The following IGF2BP3 variants were observed in gnomAD, a reference collection of about 807,000 sequenced individuals.
IGF2BP3 encodes the protein insulin-like growth factor 2 mRNA-binding protein 3.
IGF2BP3 carries 9 observed loss-of-function variants against 73.8 expected under a neutral mutation model. The observed-to-expected ratio is 0.12, with a 90% CI of 0.07 to 0.21. The LOEUF is 0.21. Ranked by LOEUF, IGF2BP3 falls within the 10% of genes least tolerant of loss-of-function variation. IGF2BP3 has a pLI of 1.00. For synonymous variants in IGF2BP3, 258 were observed against 256.7 expected (o/e 1.01, Z -0.05); for missense variants, 542 against 714.0 (o/e 0.76, Z 2.75).
chr7:23,469,873 TG>T lies in IGF2BP3; in HGVS notation c.175+62del. 8.3e-7 allele frequency: 1 copy of T among 1,209,640 alleles called. No homozygotes were observed. The highest frequency in any genetic ancestry group is 3.1e-5 in the East Asian group (1 of 32,748). 74.9% of individuals were successfully genotyped at this position (1,209,640 alleles called of 1,614,324 possible). A position where few individuals can be genotyped will look rare whatever the true frequency, so the allele number is the denominator to read the frequency against. On this transcript the variant is annotated intron_variant, in intron 1 of 14. Transcript: ENST00000258729. This position sits in a 1 kb window ranked among gnomAD's most constrained non-coding sequence, Gnocchi z 6.1. ...GCCTGGGGCCCGCGGAGCCACCCGG[TG>T]GGCCTGGGCGGGCGGTGCAGGGCTG...
intron 3 of IGF2BP3, among the ~76,000 whole-genome samples, chr7:23,369,191 C>T (rs974239740): frequency 6.6e-6 from 1 of 152,054 alleles, no homozygotes; most frequent in Non-Finnish European, 1.5e-5. Context: ...GTAACCTGAG[C>T]CTGTCCAGAT....
At chr7:23,433,034 T>C (rs924869081) in intron 2 of IGF2BP3, among the ~76,000 whole-genome samples, 24 of 152,226 alleles carry the variant, frequency 1.6e-4, no homozygotes, top group Admixed American at 1.4e-3. Flanking sequence ...ACTGCCTGTA[T>C]GACCTAAAAG....
intron 3 of IGF2BP3, among the ~76,000 whole-genome samples, chr7:23,387,790 A>T (rs536759585): frequency 6.6e-6 from 1 of 152,210 alleles, no homozygotes; most frequent in Non-Finnish European, 1.5e-5. Context: ...ACACACACAC[A>T]TACTCACACA....
intron 10 of IGF2BP3, among the ~76,000 whole-genome samples, chr7:23,320,947 C>CAAAAA (rs70966008): frequency 9.3e-5 from 9 of 96,502 alleles, no homozygotes; most frequent in African/African-American, 4.0e-4. Context: ...AACTCTGTCT[C>CAAAAA]AAAAAAAAAA....
intron 8 of IGF2BP3, 121 bp downstream of exon 8, chr7:23,345,819 G>C: frequency 1.8e-6 from 2 of 1,137,608 alleles, no homozygotes; most frequent in Non-Finnish European, 1.2e-6. Context: ...GAGAAACCAT[G>C]TGTAAGTACG....
At chr7:23,317,759 G>A (rs1784031018) in intron 11 of IGF2BP3, 46 bp from the exon 12 acceptor site, 7 of 1,487,802 alleles carry the variant, frequency 4.7e-6, no homozygotes, top group Non-Finnish European at 6.6e-6. Context: ...AGGTATCACT[G>A]ATAGGCATCT....
intron 10 of IGF2BP3, among the ~76,000 whole-genome samples, chr7:23,337,213 G>T (rs1266875581): frequency 2.0e-5 from 3 of 152,016 alleles, no homozygotes; most frequent in African/African-American, 7.2e-5. Context: ...ACTTGTTAAA[G>T]AATTGTTCCC....
intron 10 of IGF2BP3, among the ~76,000 whole-genome samples, chr7:23,323,183 T>C (rs1784205620): frequency 6.6e-6 from 1 of 151,918 alleles, no homozygotes; most frequent in Non-Finnish European, 1.5e-5. Context: ...ACCCATCACG[T>C]GCAGACACAC....
At chr7:23,322,006 A>G (rs1784168295) in intron 10 of IGF2BP3, among the ~76,000 whole-genome samples, 2 of 152,184 alleles carry the variant, frequency 1.3e-5, no homozygotes, top group Non-Finnish European at 1.5e-5. Context: ...AACTCTTAAA[A>G]AGCAGAGTGC....
At chr7:23,450,252 T>C (rs975091844) in intron 2 of IGF2BP3, among the ~76,000 whole-genome samples, 2 of 152,234 alleles carry the variant, frequency 1.3e-5, no homozygotes, top group South Asian at 2.1e-4. Flanking sequence ...CCTATCCTGG[T>C]TGTCTGCACA....
intron 8 of IGF2BP3, among the ~76,000 whole-genome samples, chr7:23,344,783 C>T (rs752069181): frequency 9.9e-5 from 15 of 152,196 alleles, no homozygotes; most frequent in Non-Finnish European, 1.8e-4. Flanking sequence ...TATTCCTTAA[C>T]ATTTTCCTCA....
intron 2 of IGF2BP3, among the ~76,000 whole-genome samples, chr7:23,440,728 A>G (rs1007660497): frequency 9.9e-5 from 15 of 152,274 alleles, no homozygotes; most frequent in Admixed American, 5.2e-4. Context: ...ACCTGTCCAC[A>G]TATCAGGTCA....
chr7:23,432,118 A>G (rs1787698088), intron 2 of IGF2BP3, among the ~76,000 whole-genome samples: 1 of 152,206 alleles, frequency 6.6e-6, no homozygotes, highest in Non-Finnish European at 1.5e-5. Flanking sequence ...CCCGTTAACT[A>G]AAACAGAGGT....
At chr7:23,379,132 G>A (rs1208812631) in intron 3 of IGF2BP3, among the ~76,000 whole-genome samples, 4 of 152,232 alleles carry the variant, frequency 2.6e-5, no homozygotes, top group Non-Finnish European at 5.9e-5. Flanking sequence ...AGCTGCTTTT[G>A]AACAATGGGT....
chr7:23,379,286 T>C (rs1285038246), intron 3 of IGF2BP3, among the ~76,000 whole-genome samples: 2 of 152,210 alleles, frequency 1.3e-5, no homozygotes, highest in Non-Finnish European at 2.9e-5. Flanking sequence ...GTATTCAAGA[T>C]AAAGGCATTT....
At chr7:23,388,114 G>C (rs1786146687) in intron 3 of IGF2BP3, among the ~76,000 whole-genome samples, 1 of 151,700 alleles carries the variant, frequency 6.6e-6, no homozygotes, top group Non-Finnish European at 1.5e-5. Context: ...CTAATTTTTT[G>C]TTTTAGTAGA....
intron 5 of IGF2BP3, among the ~76,000 whole-genome samples, chr7:23,354,229 G>A (rs1420363048): frequency 3.9e-5 from 6 of 152,182 alleles, no homozygotes; most frequent in African/African-American, 9.7e-5. Flanking sequence ...TTGACCTCAG[G>A]TGATCCACCC....
intron 10 of IGF2BP3, among the ~76,000 whole-genome samples, chr7:23,339,210 A>G (rs983779638): frequency 6.6e-6 from 1 of 152,226 alleles, no homozygotes; most frequent in Non-Finnish European, 1.5e-5. Context: ...TTCCAGTGAC[A>G]TCTTCCTTAC....
At chr7:23,398,173 T>C (rs1786538440) in intron 3 of IGF2BP3, among the ~76,000 whole-genome samples, 2 of 152,100 alleles carry the variant, frequency 1.3e-5, no homozygotes, top group Non-Finnish European at 2.9e-5. Context: ...GTTGGTTTTT[T>C]GTCCTTGCGA....
Sources: gnomAD v4.1 joint callset for allele counts (sites outside exome capture counted in the v4.1 genomes callset) on GRCh38, gnomAD v4.1.1 for gene constraint, Gnocchi (gnomAD v3.1) non-coding constraint, MANE v1.5 for transcripts, NCBI Gene and HGNC (gene_info 2026-07-23, HGNC 2026-07-21) for gene names.